Variants in MYT1L observed in about 807,000 individuals in gnomAD.
MYT1L encodes myelin transcription factor 1-like protein.
In MYT1L, 12 loss-of-function variants were observed where a neutral mutation model predicts 126.7. The ratio of observed to expected loss-of-function variants is 0.09; its 90% CI spans 0.06 to 0.15. The LOEUF is 0.15. MYT1L is among the 10% of genes least tolerant of loss of function. The pLI is 1.00. For synonymous variants in MYT1L, 541 were observed against 604.2 expected (o/e 0.90, Z 1.53); for missense variants, 979 against 1,585.2 (o/e 0.62, Z 6.49).
rs1038838125 is a variant in MYT1L, at chr2:1,971,090, G to A, written c.152+8075C>T. ...AGCATTCTGAGAGACTGAGGTGGGA[G>A]GATCACTTGAACCCAGGAGTTCTAG... On this transcript the variant is annotated intron_variant, in intron 8 of 24. Coordinates refer to ENST00000647738, the MANE Select transcript of MYT1L (RefSeq NM_001303052.2). 3.9e-5 allele frequency among the ~76,000 whole-genome samples: 6 copies of A among 152,256 alleles called. No individual in the cohort carries two copies. The South Asian group carries it at 1.2e-3, about 32-fold the overall frequency.
At chr2:2,034,176 G>A (rs1434429546) in intron 4 of MYT1L, among the ~76,000 whole-genome samples, 2 of 152,148 alleles carry the variant, frequency 1.3e-5, no homozygotes, top group African/African-American at 2.4e-5. Flanking sequence ...AGCAGAAAAC[G>A]TCGGTATCGA....
chr2:1,902,741 A>G (rs2050513987), intron 14 of MYT1L: 1 of 297,400 alleles, frequency 3.4e-6, no homozygotes, highest in East Asian at 8.1e-5. Flanking sequence ...ATTTATTTAA[A>G]GGAAGCGTAT....
chr2:2,112,645 C>G (rs1450969228), intron 3 of MYT1L, among the ~76,000 whole-genome samples: 2 of 152,108 alleles, frequency 1.3e-5, no homozygotes, highest in African/African-American at 2.4e-5. Context: ...GTGTTTTTAT[C>G]AGCACTCAGG....
At chr2:2,273,213 C>A (rs756175789) in intron 2 of MYT1L, among the ~76,000 whole-genome samples, 1 of 152,170 alleles carries the variant, frequency 6.6e-6, no homozygotes, top group South Asian at 2.1e-4. Context: ...ATCGCAGGAC[C>A]TTTCGGCCCT....
intron 2 of MYT1L, among the ~76,000 whole-genome samples, chr2:2,219,979 A>G (rs2093808983): frequency 6.6e-6 from 1 of 151,824 alleles, no homozygotes; most frequent in Admixed American, 6.6e-5. Context: ...TTTTGAGCTA[A>G]CAACACCACT....
intron 3 of MYT1L, among the ~76,000 whole-genome samples, chr2:2,109,753 T>C (rs925187919): frequency 2.6e-5 from 4 of 151,026 alleles, no homozygotes; most frequent in Non-Finnish European, 4.4e-5. Context: ...CACTTGATGA[T>C]GTAAATGAAA....
At chr2:1,899,530 C>T (rs1315856124) in intron 14 of MYT1L, among the ~76,000 whole-genome samples, 3 of 152,184 alleles carry the variant, frequency 2.0e-5, no homozygotes, top group Admixed American at 6.5e-5. Context: ...TGTCAGCCTG[C>T]GTGGATTTCT....
intron 9 of MYT1L, among the ~76,000 whole-genome samples, chr2:1,927,371 TA>T (rs2054371022): frequency 1.3e-5 from 2 of 152,368 alleles, no homozygotes; most frequent in Non-Finnish European, 2.9e-5. Context: ...GTCAGATTGT[TA>T]TAAACAATTT....
At chr2:2,139,647 A>AAAAT (rs965623773) in intron 3 of MYT1L, among the ~76,000 whole-genome samples, 11 of 151,624 alleles carry the variant, frequency 7.3e-5, no homozygotes, top group South Asian at 2.1e-4. Context: ...TCAAAAAAAT[A>AAAAT]AAATAAATAA....
intron 8 of MYT1L, among the ~76,000 whole-genome samples, chr2:1,975,463 T>C (rs1289610946): frequency 6.6e-6 from 1 of 152,270 alleles, no homozygotes; most frequent in Non-Finnish European, 1.5e-5. Context: ...GCATGATGGC[T>C]CATGCCTGTA....
At chr2:2,041,863 C>A (rs1363429866) in intron 4 of MYT1L, among the ~76,000 whole-genome samples, 1 of 152,204 alleles carries the variant, frequency 6.6e-6, no homozygotes, top group Non-Finnish European at 1.5e-5. Flanking sequence ...CTCAAAGATT[C>A]TCTGTAGAAA....
chr2:1,864,178 C>T (rs567974499), intron 18 of MYT1L, among the ~76,000 whole-genome samples: 10 of 152,304 alleles, frequency 6.6e-5, no homozygotes, highest in Admixed American at 1.3e-4. Context: ...GAGGCTTCCA[C>T]GGCTCTTAGG....
At chr2:2,045,029 T>A (rs1470286037) in intron 4 of MYT1L, among the ~76,000 whole-genome samples, 1 of 152,154 alleles carries the variant, frequency 6.6e-6, no homozygotes, top group Non-Finnish European at 1.5e-5. Flanking sequence ...TCCATTTCCA[T>A]GTAAATGAGG....
chr2:1,803,360 T>C (rs756114814), intron 22 of MYT1L, among the ~76,000 whole-genome samples: 2 of 152,140 alleles, frequency 1.3e-5, no homozygotes, highest in Non-Finnish European at 2.9e-5. Flanking sequence ...TCTACAGCTG[T>C]CACAGGCAAA....
intron 1 of MYT1L, among the ~76,000 whole-genome samples, chr2:2,308,810 T>C (rs1312897491): frequency 6.6e-6 from 1 of 151,962 alleles, no homozygotes; most frequent in Non-Finnish European, 1.5e-5. Context: ...TACACTTTAC[T>C]ATATTCTACC....
intron 2 of MYT1L, among the ~76,000 whole-genome samples, chr2:2,195,411 T>C (rs889718564): frequency 2.0e-5 from 3 of 152,218 alleles, no homozygotes; most frequent in Non-Finnish European, 4.4e-5. Flanking sequence ...CATCAATTCA[T>C]GATTGGATTG....
At chr2:2,038,259 T>G (rs748939522) in intron 4 of MYT1L, among the ~76,000 whole-genome samples, 2 of 152,206 alleles carry the variant, frequency 1.3e-5, no homozygotes, top group African/African-American at 2.4e-5. Context: ...CTGGATTCCA[T>G]AGCTAGAGTT....
In MYT1L at chr2:1,917,466, C is replaced by T; in HGVS notation, c.1484-127G>A. The T allele has an allele frequency of 8.9e-7, 1 of 1,129,458 alleles. No homozygotes were observed. Among genetic ancestry groups the T allele is most frequent in the African/African-American group, 1.5e-5 (1 of 64,542 alleles). The allele number at this position is 1,129,458 out of a possible 1,614,324, so 70.0% of individuals were successfully genotyped here. On this transcript the variant is annotated intron_variant, in intron 10 of 24. Transcript: ENST00000647738. The surrounding 1 kb of genome is among the most constrained non-coding windows in gnomAD (Gnocchi z 5.9). ...GCAGGTGTCGGGGGCTAGGCTGTGA[C>T]ATCAGACTTTTGCTTAGATAGTTCT...
rs531672616 is a variant in MYT1L at position 1,856,642 on chromosome 2, A to G, written c.2712-4939T>C. On this transcript the variant is annotated intron_variant, in intron 18 of 24. Coordinates refer to ENST00000647738, the MANE Select transcript of MYT1L (RefSeq NM_001303052.2). Reference sequence around the variant, plus strand: ...GTATTGTAGCCAGTTATTCATACGAATGTCTTGAAAGTGCTCCCTCTAGGG... The same window carrying G: ...GTATTGTAGCCAGTTATTCATACGAGTGTCTTGAAAGTGCTCCCTCTAGGG... Among the ~76,000 whole-genome samples, 22 of 152,316 alleles carry G rather than the reference A, an allele frequency of 1.4e-4. No individual in the cohort carries two copies. In the South Asian group the frequency reaches 2.1e-3, roughly 14 times the overall value.
Sources: allele counts gnomAD v4.1 joint callset (sites outside exome capture counted in the v4.1 genomes callset), GRCh38; gene constraint gnomAD v4.1.1; non-coding constraint Gnocchi (gnomAD v3.1); transcripts MANE v1.5; gene names NCBI Gene and HGNC (gene_info 2026-07-23, HGNC 2026-07-21).